Variants in RFX8 observed in about 807,000 individuals in gnomAD.
The protein encoded by RFX8 is regulatory factor X8, also known as DNA-binding protein RFX8.
Under a neutral mutation model 54.6 loss-of-function variants are expected in RFX8, and 46 were observed. The observed-to-expected ratio is 0.84, with a 90% CI of 0.67 to 1.08. The LOEUF is 1.08. RFX8 is among the 50% of genes least tolerant of loss of function. The pLI, the probability that RFX8 is intolerant of heterozygous loss-of-function variation, is 0.00. For synonymous variants in RFX8, 192 were observed against 209.5 expected (o/e 0.92, Z 0.72); for missense variants, 536 against 562.3 (o/e 0.95, Z 0.47).
At chr2:101,402,161 C>T (rs534039334) in intron 11 of RFX8, among the ~76,000 whole-genome samples, 2 of 152,318 alleles carry the variant, frequency 1.3e-5, no homozygotes, top group African/African-American at 4.8e-5. Flanking sequence ...TCTAACCAGG[C>T]CAGGCACACT....
chr2:101,440,912 T>C (rs1469479330), intron 2 of RFX8, among the ~76,000 whole-genome samples: 1 of 151,974 alleles, frequency 6.6e-6, no homozygotes, highest in African/African-American at 2.4e-5. Context: ...TTTATCCTTA[T>C]ATAAGGTCCT....
At position 101,448,132 on chromosome 2, in the gene RFX8, C is replaced by T. The variant is rs546433657; in HGVS notation, c.72+18645G>A. On this transcript the variant is annotated intron_variant, in intron 2 of 11. Coordinates refer to ENST00000428343, the MANE Select transcript of RFX8 (RefSeq NM_001145664.2). ...AAGGCCCCACCTCTTAAGATTGTTG[C>T]ATTGGGGATCAGGTTCAGTGTGAAT... 1.5e-4 allele frequency among the ~76,000 whole-genome samples: 23 copies of T among 152,272 alleles called. No individual in the cohort carries two copies. In the Middle Eastern group the frequency reaches 0.01, roughly 68 times the overall value.
At chr2:101,454,741 G>T (rs930268609) in intron 2 of RFX8, among the ~76,000 whole-genome samples, 9 of 152,112 alleles carry the variant, frequency 5.9e-5, no homozygotes, top group South Asian at 4.1e-4. Context: ...TTTTGATGGG[G>T]TTGTTTGTTT....
At chr2:101,406,114 G>T in intron 9 of RFX8, 57 bp from the exon 10 acceptor site, 1 of 1,020,100 alleles carries the variant, frequency 9.8e-7, no homozygotes, top group Non-Finnish European at 1.5e-6. Context: ...AAGAAGCATA[G>T]TATGTTTTCA....
At chr2:101,432,079 C>A (rs1034919345) in intron 2 of RFX8, among the ~76,000 whole-genome samples, 1 of 152,164 alleles carries the variant, frequency 6.6e-6, no homozygotes, top group Non-Finnish European at 1.5e-5. Flanking sequence ...CTCTACCTGG[C>A]CGGACAAAGA....
intron 1 of RFX8, among the ~76,000 whole-genome samples, chr2:101,471,909 C>A (rs749526899): frequency 2.6e-5 from 4 of 152,210 alleles, no homozygotes; most frequent in Admixed American, 6.5e-5. Flanking sequence ...CTCCACAGGG[C>A]AACAGTTGGG....
At chr2:101,420,426 C>A (rs994783539) in intron 4 of RFX8, among the ~76,000 whole-genome samples, 6 of 151,938 alleles carry the variant, frequency 3.9e-5, no homozygotes, top group Admixed American at 6.6e-5. Context: ...CGCCTGTGAT[C>A]CCAGCTACTC....
intron 2 of RFX8, among the ~76,000 whole-genome samples, chr2:101,440,865 A>G (rs1470028012): frequency 4.6e-5 from 7 of 152,014 alleles, no homozygotes; most frequent in Admixed American, 4.6e-4. Context: ...GTGTGCATAC[A>G]TTTAGGATGG....
intron 2 of RFX8, among the ~76,000 whole-genome samples, chr2:101,431,914 A>T (rs1438285982): frequency 6.6e-6 from 1 of 152,146 alleles, no homozygotes; most frequent in Non-Finnish European, 1.5e-5. Context: ...CGTGCCTGCC[A>T]TGTAGGGGCC....
intron 4 of RFX8, 151 bp downstream of exon 4, chr2:101,421,573 T>C: frequency 7.2e-7 from 1 of 1,394,696 alleles, no homozygotes; most frequent in South Asian, 1.8e-5. Flanking sequence ...GACTACAACA[T>C]AGGTACATAG....
intron 2 of RFX8, among the ~76,000 whole-genome samples, chr2:101,459,469 C>T (rs556077180): frequency 6.6e-6 from 1 of 152,300 alleles, no homozygotes; most frequent in South Asian, 2.1e-4. Flanking sequence ...AACAGTCAGG[C>T]CCCTCAGCTG....
At chr2:101,426,973 C>G (rs1188553706) in intron 2 of RFX8, among the ~76,000 whole-genome samples, 1 of 152,218 alleles carries the variant, frequency 6.6e-6, no homozygotes, top group Non-Finnish European at 1.5e-5. Flanking sequence ...CTAGCATCGA[C>G]AAGCTCTGTG....
At chr2:101,457,775 A>G (rs1230788288) in intron 2 of RFX8, among the ~76,000 whole-genome samples, 2 of 152,096 alleles carry the variant, frequency 1.3e-5, no homozygotes, top group Non-Finnish European at 2.9e-5. Context: ...TTAACCTTCT[A>G]GCTCATTGAT....
At chr2:101,446,402 C>A (rs1425786865) in intron 2 of RFX8, among the ~76,000 whole-genome samples, 1 of 143,542 alleles carries the variant, frequency 7.0e-6, no homozygotes, top group East Asian at 2.1e-4. Context: ...TCTCGATCTC[C>A]TGACCTCGTG....
chr2:101,407,734 A>T (rs1685824879), intron 9 of RFX8, among the ~76,000 whole-genome samples: 1 of 152,016 alleles, frequency 6.6e-6, no homozygotes, highest in Non-Finnish European at 1.5e-5. Context: ...TCCTAAAAGC[A>T]TCGAGGGATG....
chr2:101,442,739 G>A (rs1688165492), intron 2 of RFX8, among the ~76,000 whole-genome samples: 1 of 151,940 alleles, frequency 6.6e-6, no homozygotes, highest in Non-Finnish European at 1.5e-5. Flanking sequence ...GGTTTTTCTG[G>A]TGCCTCTGGG....
chr2:101,472,976 G>A (rs1308036425), intron 1 of RFX8, among the ~76,000 whole-genome samples: 2 of 152,020 alleles, frequency 1.3e-5, no homozygotes, highest in Non-Finnish European at 2.9e-5. Flanking sequence ...CCAAGATCGT[G>A]CCACTGCACT....
At position 101,402,613 on chromosome 2, in the gene RFX8, T is replaced by C; in HGVS notation, c.1068A>G (p.Pro356=). The C allele has an allele frequency of 2.6e-6, 4 of 1,552,218 alleles. No homozygotes were observed. The highest frequency in any genetic ancestry group is 3.5e-6 in the Non-Finnish European group (4 of 1,147,152). ...MLPDDPTLGQ[P]DQALFHSLNS... ...TCAGAGAATGGAAAAGTGCCTGGTC[T>C]GGCTGGCCGAGAGTCGGGTCATCTG... The change falls in exon 11 of 12, where the codon CCA becomes CCG. Residue 356 remains proline (P), a synonymous_variant. Coordinates refer to ENST00000428343, the MANE Select transcript of RFX8 (RefSeq NM_001145664.2).
At chr2:101,470,806 G>A (rs912094237) in intron 1 of RFX8, among the ~76,000 whole-genome samples, 9 of 137,240 alleles carry the variant, frequency 6.6e-5, no homozygotes, top group South Asian at 2.4e-4. Flanking sequence ...TGCAAGCTCC[G>A]CCTCCCAGGT....
Sources: gnomAD v4.1 joint callset for allele counts (sites outside exome capture counted in the v4.1 genomes callset) on GRCh38, gnomAD v4.1.1 for gene constraint, MANE v1.5 for transcripts, NCBI Gene and HGNC (gene_info 2026-07-23, HGNC 2026-07-21) for gene names.